The following LCLAT1 variants were observed in gnomAD, a reference collection of about 807,000 sequenced individuals.
The protein encoded by LCLAT1 is 1-AGP acyltransferase 8.
Under a neutral mutation model 30.7 loss-of-function variants are expected in LCLAT1, and 11 were observed. That is an observed-to-expected ratio of 0.36 (90% confidence interval 0.23 to 0.59). The LOEUF (loss-of-function observed/expected upper bound fraction) is 0.59, where lower values mean the gene tolerates loss of function less well. Among genes scored for constraint, LCLAT1 ranks in the 20% least tolerant of loss-of-function variants. The pLI is 0.77. For synonymous variants in LCLAT1, 155 were observed against 151.3 expected (o/e 1.02, Z -0.18); for missense variants, 402 against 458.6 (o/e 0.88, Z 1.13).
chr2:30,556,022 C>T (rs1331009327), intron 3 of LCLAT1, among the ~76,000 whole-genome samples: 1 of 151,888 alleles, frequency 6.6e-6, no homozygotes, highest in African/African-American at 2.4e-5. Flanking sequence ...TCTCAATCTC[C>T]TGACCTTGTG....
At chr2:30,557,611 C>G (rs1292125411) in intron 3 of LCLAT1, among the ~76,000 whole-genome samples, 5 of 151,916 alleles carry the variant, frequency 3.3e-5, no homozygotes, top group Non-Finnish European at 2.9e-5. Flanking sequence ...GACGGGGTTT[C>G]ATCATGTTGG....
chr2:30,603,162 G>A (rs1667272075), intron 5 of LCLAT1, among the ~76,000 whole-genome samples: 1 of 151,948 alleles, frequency 6.6e-6, no homozygotes, highest in African/African-American at 2.4e-5. Flanking sequence ...AAATATGTGT[G>A]GCACAGTATC....
chr2:30,520,628 G>T (rs1252940095), intron 1 of LCLAT1, among the ~76,000 whole-genome samples: 1 of 152,122 alleles, frequency 6.6e-6, no homozygotes, highest in Admixed American at 6.5e-5. Flanking sequence ...TGTGACTGGT[G>T]AACAGGTCGG....
At chr2:30,610,788 C>G (rs1160635121) in intron 5 of LCLAT1, among the ~76,000 whole-genome samples, 1 of 152,026 alleles carries the variant, frequency 6.6e-6, no homozygotes, top group African/African-American at 2.4e-5. Context: ...TCTGTTTTAC[C>G]AGAAGTTCAG....
At chr2:30,508,998 G>A (rs1283636304) in intron 1 of LCLAT1, among the ~76,000 whole-genome samples, 1 of 152,146 alleles carries the variant, frequency 6.6e-6, no homozygotes, top group East Asian at 1.9e-4. Flanking sequence ...CTGATTAACT[G>A]TATTCCTAGT....
chr2:30,507,230 C>G (rs1380330091), intron 1 of LCLAT1, among the ~76,000 whole-genome samples: 3 of 152,180 alleles, frequency 2.0e-5, no homozygotes, highest in East Asian at 3.9e-4. Flanking sequence ...TTTTAACTGA[C>G]TCCCAAGGAT....
chr2:30,580,991 C>G (rs552887851), intron 5 of LCLAT1, among the ~76,000 whole-genome samples: 1 of 152,230 alleles, frequency 6.6e-6, no homozygotes, highest in East Asian at 1.9e-4. Flanking sequence ...GGATGCTTTG[C>G]TGGAAGGCCC....
chr2:30,527,216 A>G (rs1047837490), intron 2 of LCLAT1, among the ~76,000 whole-genome samples: 1 of 152,168 alleles, frequency 6.6e-6, no homozygotes, highest in Non-Finnish European at 1.5e-5. Context: ...TTTTCATGTC[A>G]TTTATGTAAC....
intron 5 of LCLAT1, among the ~76,000 whole-genome samples, chr2:30,608,997 T>TG (rs1198508274): frequency 6.6e-6 from 1 of 152,062 alleles, no homozygotes; most frequent in Non-Finnish European, 1.5e-5. Flanking sequence ...TTCTACTCTT[T>TG]GCCAGTCAAA....
At chr2:30,490,470 C>T (rs867528705) in intron 1 of LCLAT1, among the ~76,000 whole-genome samples, 6 of 152,002 alleles carry the variant, frequency 3.9e-5, no homozygotes, top group Non-Finnish European at 5.9e-5. Context: ...GGATTATAGG[C>T]GTGAGCCACT....
Position 30,613,108 on chromosome 2 carries a change from A to C in LCLAT1, c.629-27009A>C, listed in dbSNP as rs932697344. On this transcript the variant is annotated intron_variant, in intron 5 of 5. Transcript: ENST00000379509. Reference sequence around the variant, plus strand: ...GATGAGAATGTGCCTAGTGTGTTCAAAGAAGAACAAGAGATGCAGTGTGGC... The same window carrying C: ...GATGAGAATGTGCCTAGTGTGTTCACAGAAGAACAAGAGATGCAGTGTGGC... Among the ~76,000 whole-genome samples the C allele has an allele frequency of 2.0e-5, 3 of 152,130 alleles. No individual in the cohort carries two copies. The East Asian group carries it at 5.8e-4, about 29-fold the overall frequency.
intron 4 of LCLAT1, among the ~76,000 whole-genome samples, chr2:30,566,662 A>G (rs920272453): frequency 2.0e-4 from 31 of 152,318 alleles, no homozygotes; most frequent in Admixed American, 1.6e-3. Context: ...TAGTTTATCA[A>G]TTTCGGAATG....
At chr2:30,545,295 T>C (rs1664348698) in intron 3 of LCLAT1, among the ~76,000 whole-genome samples, 1 of 152,156 alleles carries the variant, frequency 6.6e-6, no homozygotes, top group African/African-American at 2.4e-5. Context: ...ATACCAGTTT[T>C]ACCTTGTTGA....
chr2:30,475,013 T>G (rs1682979282), intron 1 of LCLAT1, among the ~76,000 whole-genome samples: 1 of 151,892 alleles, frequency 6.6e-6, no homozygotes, highest in Non-Finnish European at 1.5e-5. Flanking sequence ...TTATTCTGTG[T>G]GTGTGAGACA....
At chr2:30,451,367 A>G (rs988370012) in intron 1 of LCLAT1, among the ~76,000 whole-genome samples, 8 of 152,090 alleles carry the variant, frequency 5.3e-5, no homozygotes, top group Non-Finnish European at 7.3e-5. Flanking sequence ...GGCTTTGTCT[A>G]CTCCTACCCG....
intron 5 of LCLAT1, among the ~76,000 whole-genome samples, chr2:30,614,916 T>G (rs1445564863): frequency 6.6e-6 from 1 of 151,906 alleles, no homozygotes. Context: ...GAGAGTAAGG[T>G]GACCAGGAAG....
At chr2:30,447,821 G>C (rs1681338864) in intron 1 of LCLAT1, among the ~76,000 whole-genome samples, 2 of 152,234 alleles carry the variant, frequency 1.3e-5, no homozygotes, top group Admixed American at 6.5e-5. Flanking sequence ...AACGTCTCAA[G>C]TGGTCACCAC....
chr2:30,608,779 A>T (rs1290341132), intron 5 of LCLAT1, among the ~76,000 whole-genome samples: 1 of 152,114 alleles, frequency 6.6e-6, no homozygotes, highest in Non-Finnish European at 1.5e-5. Flanking sequence ...AAATTGCCTA[A>T]AGACACATCT....
At chr2:30,475,673 G>C (rs1373278151) in intron 1 of LCLAT1, among the ~76,000 whole-genome samples, 2 of 152,036 alleles carry the variant, frequency 1.3e-5, no homozygotes, top group Non-Finnish European at 2.9e-5. Flanking sequence ...TTTTCTTTTA[G>C]CCAGAATAAA....
Sources: gnomAD v4.1 joint callset for allele counts (sites outside exome capture counted in the v4.1 genomes callset) on GRCh38, gnomAD v4.1.1 for gene constraint, MANE v1.5 for transcripts, NCBI Gene and HGNC (gene_info 2026-07-23, HGNC 2026-07-21) for gene names.